UNK: variants seen among roughly 807,000 people sequenced by gnomAD.
UNK encodes the protein RING finger protein unkempt homolog.
UNK carries 32 observed loss-of-function variants against 97.6 expected under a neutral mutation model. The observed-to-expected ratio is 0.33, with a 90% confidence interval of 0.25 to 0.44. The LOEUF is 0.44. UNK is among the 20% of genes least tolerant of loss of function. UNK has a pLI of 1.00. For missense variants in UNK, 771 were observed against 1,098.4 expected (o/e 0.70, Z 4.21); for synonymous variants, 441 against 461.2 (o/e 0.96, Z 0.56).
Position 75,820,114 on chromosome 17 carries a change from A to G in UNK, c.1837+6A>G. 1 of 1,604,122 alleles carries G rather than the reference A, an allele frequency of 6.2e-7. No homozygotes were observed. On this transcript the variant is annotated splice_donor_region_variant and intron_variant, in intron 13 of 15. Transcript: ENST00000589666. The stretch of plus-strand genomic sequence containing the variant: ...AGCATCACATGGATCTTTGGGTAAG[A>G]GAGGGAGTGGTTCACTCAGGAGAAC...
At chr17:75,806,971 C>A (rs1243322880) in intron 1 of UNK, among the ~76,000 whole-genome samples, 2 of 152,204 alleles carry the variant, frequency 1.3e-5, no homozygotes, top group Non-Finnish European at 2.9e-5. Context: ...CTGTCCTGAT[C>A]TGTGAGAGCC....
At chr17:75,798,066 C>CTTT (rs776246418) in intron 1 of UNK, among the ~76,000 whole-genome samples, 1 of 129,128 alleles carries the variant, frequency 7.7e-6, no homozygotes, top group African/African-American at 2.9e-5. Context: ...GACCACAGCT[C>CTTT]TTTTTTTTTT....
At position 75,819,099 on chromosome 17, in the gene UNK, A is replaced by C; in HGVS notation, c.1546+283A>C. 2 of 366,504 alleles carry C rather than the reference A, an allele frequency of 5.5e-6. No homozygotes were observed. Among genetic ancestry groups the C allele is most frequent in the Non-Finnish European group, 4.9e-6 (1 of 204,960 alleles). 22.7% of individuals were successfully genotyped at this position (366,504 alleles called of 1,614,324 possible). On this transcript the variant is annotated intron_variant, in intron 11 of 15. Coordinates refer to ENST00000589666, the MANE Select transcript of UNK (RefSeq NM_001080419.3). The surrounding 1 kb of genome is among the most constrained non-coding windows in gnomAD (Gnocchi z 5.4). ...AAGACGTGTTGTTCAGTCCCCACTC[A>C]TCTCACTGGTGTCCTTGTGTAGTGA...
intron 1 of UNK, among the ~76,000 whole-genome samples, chr17:75,805,458 C>T (rs912572525): frequency 6.7e-6 from 1 of 150,138 alleles, no homozygotes; most frequent in African/African-American, 2.4e-5. Context: ...TTTAGCAATA[C>T]CTATGTATGT....
Position 75,818,602 on chromosome 17 carries a change from A to G in UNK, c.1372-40A>G. On this transcript the variant is annotated intron_variant, in intron 10 of 15. Transcript: ENST00000589666. The surrounding 1 kb of genome is among the most constrained non-coding windows in gnomAD (Gnocchi z 5.1). ...GCCTCTCGTCCTGGCCTCCGTATGC[A>G]GGCCTACCATTGCTTCTCCTCTTCC... 6.5e-7 allele frequency: 1 copy of G among 1,550,070 alleles called. No homozygotes were observed. Among genetic ancestry groups the G allele is most frequent in the Non-Finnish European group, 8.7e-7 (1 of 1,144,860 alleles).
Position 75,818,233 on chromosome 17 carries a change from G to C in UNK, c.1371+65G>C. ...ACAGGAGTGGCCCAGAACCCCAGGA[G>C]GCTTCGGGGAGTGGGAGGCACCACT... On this transcript the variant is annotated intron_variant, in intron 10 of 15. Coordinates refer to ENST00000589666, the MANE Select transcript of UNK (RefSeq NM_001080419.3). This position sits in a 1 kb window ranked among gnomAD's most constrained non-coding sequence, Gnocchi z 5.1. 1 of 1,578,880 alleles carries C rather than the reference G, an allele frequency of 6.3e-7. No individual in the cohort carries two copies. Among genetic ancestry groups the C allele is most frequent in the Non-Finnish European group, 8.7e-7 (1 of 1,154,128 alleles).
chr17:75,801,373 C>T (rs1484032543), intron 1 of UNK, among the ~76,000 whole-genome samples: 1 of 152,096 alleles, frequency 6.6e-6, no homozygotes, highest in Non-Finnish European at 1.5e-5. Flanking sequence ...ATAGCTGTGA[C>T]TGGGCATGGT....
intron 1 of UNK, among the ~76,000 whole-genome samples, chr17:75,787,915 G>A (rs771367888): frequency 3.3e-5 from 5 of 151,428 alleles, no homozygotes; most frequent in African/African-American, 4.8e-5. Flanking sequence ...AGCCTCCTGA[G>A]TAGCTGGGAC....
chr17:75,799,265 T>C (rs2143712134), intron 1 of UNK, among the ~76,000 whole-genome samples: 1 of 152,272 alleles, frequency 6.6e-6, no homozygotes, highest in East Asian at 1.9e-4. Flanking sequence ...GTAATTGCAC[T>C]ACTGCACTTC....
At chr17:75,814,229 C>T (rs547144013) in intron 6 of UNK, among the ~76,000 whole-genome samples, 1 of 152,062 alleles carries the variant, frequency 6.6e-6, no homozygotes, top group Admixed American at 6.6e-5. Flanking sequence ...GGGCCAGGCA[C>T]GGTGGCTTAT....
chr17:75,818,108 A>G lies in UNK; in HGVS notation c.1311A>G (p.Lys437=). 6.2e-7 allele frequency: 1 copy of G among 1,613,266 alleles called. No homozygotes were observed. The highest frequency in any genetic ancestry group is 8.5e-7 in the Non-Finnish European group (1 of 1,179,740). The part of the protein sequence containing the change: ...EYLKNFKCQA[K]LKPHSLEPRS... ...CCCTGAATTTTCTCTCTCAGGCCAA[A>G]TTAAAACCCCACTCATTAGAGCCCA... is the stretch of plus-strand genomic sequence containing the variant. The change falls in exon 10 of 16, where the codon AAA becomes AAG. Residue 437 remains lysine (K), a synonymous_variant. Coordinates refer to ENST00000589666, the MANE Select transcript of UNK (RefSeq NM_001080419.3). The surrounding 1 kb of genome is among the most constrained non-coding windows in gnomAD (Gnocchi z 5.1).
chr17:75,815,276 G>A, intron 7 of UNK, 23 bp downstream of exon 7: 2 of 1,602,372 alleles, frequency 1.2e-6, no homozygotes. Flanking sequence ...CATTGCCCCG[G>A]GGCAGTGCCC....
chr17:75,812,083 G>A (rs746693630), intron 2 of UNK, 29 bp from the exon 3 acceptor site: 1 of 1,560,084 alleles, frequency 6.4e-7, no homozygotes, highest in African/African-American at 1.4e-5. Flanking sequence ...AGGCAGCAAA[G>A]TTGAGTGACC....
intron 1 of UNK, among the ~76,000 whole-genome samples, chr17:75,808,263 C>G (rs1288524676): frequency 6.6e-6 from 1 of 152,156 alleles, no homozygotes; most frequent in African/African-American, 2.4e-5. Context: ...TCTAACCAGA[C>G]AGTAAAGGAG....
intron 13 of UNK, chr17:75,821,872 A>G (rs1489517946): frequency 2.7e-6 from 1 of 372,444 alleles, no homozygotes. Context: ...ACTGGAAAGC[A>G]TAGGCCTTTG....
At chr17:75,822,358 G>T in intron 13 of UNK, 119 bp from the exon 14 acceptor site, 1 of 1,255,116 alleles carries the variant, frequency 8.0e-7, no homozygotes, top group Non-Finnish European at 1.1e-6. Context: ...CCTGACACTA[G>T]CTGGAGCCTT....
chr17:75,806,015 G>A (rs965431255), intron 1 of UNK, among the ~76,000 whole-genome samples: 24 of 151,580 alleles, frequency 1.6e-4, no homozygotes, highest in African/African-American at 5.3e-4. Flanking sequence ...GGGAGACTGA[G>A]GCGCTTGAAC....
chr17:75,815,516 T>C lies in UNK; in HGVS notation c.961+263T>C, dbSNP rs1488836847. On this transcript the variant is annotated intron_variant, in intron 7 of 15. Coordinates refer to ENST00000589666, the MANE Select transcript of UNK (RefSeq NM_001080419.3). Reference sequence around the variant, plus strand: ...TGAGCACTCATGGTTCCAGGGAGGGTTGAGGCACTGTGCCTCCCATGGCTG... The same window carrying C: ...TGAGCACTCATGGTTCCAGGGAGGGCTGAGGCACTGTGCCTCCCATGGCTG... 3.3e-5 allele frequency among the ~76,000 whole-genome samples: 5 copies of C among 152,232 alleles called. No individual in the cohort carries two copies. In the East Asian group the frequency reaches 7.7e-4, roughly 23 times the overall value.
Position 75,818,020 on chromosome 17 carries a change from CT to C in UNK, c.1306-82del. ...TTGCATGTCTGCCACCACCTGCCCC[CT>C]GGTACCTGCAGCCTCAGGGTCAGAT... On this transcript the variant is annotated intron_variant, in intron 9 of 15. Transcript: ENST00000589666. The surrounding 1 kb of genome is among the most constrained non-coding windows in gnomAD (Gnocchi z 5.1). 1 of 1,412,606 alleles carries C rather than the reference CT, an allele frequency of 7.1e-7. No homozygotes were observed. Among genetic ancestry groups the C allele is most frequent in the Middle Eastern group, 1.7e-4 (1 of 5,726 alleles). 87.5% of individuals were successfully genotyped at this position (1,412,606 alleles called of 1,614,324 possible). A position where few individuals can be genotyped will look rare whatever the true frequency, so the allele number is the denominator to read the frequency against.
Sources: allele counts gnomAD v4.1 joint callset (sites outside exome capture counted in the v4.1 genomes callset), GRCh38; gene constraint gnomAD v4.1.1; non-coding constraint Gnocchi (gnomAD v3.1); transcripts MANE v1.5; gene names NCBI Gene and HGNC (gene_info 2026-07-23, HGNC 2026-07-21).